The following FLNB variants were observed in gnomAD, a reference collection of about 807,000 sequenced individuals.
The protein encoded by FLNB is filamin-B.
In FLNB, 111 loss-of-function variants were observed where a neutral mutation model predicts 250.6. That is an observed-to-expected ratio of 0.44 (90% CI 0.38 to 0.52). The LOEUF (loss-of-function observed/expected upper bound fraction) is 0.52, where lower values mean the gene tolerates loss of function less well. Ranked by LOEUF, FLNB falls within the 20% of genes least tolerant of loss-of-function variation. FLNB has a pLI of 0.00. For synonymous variants in FLNB, 1,302 were observed against 1,372.1 expected (o/e 0.95, Z 1.13); for missense variants, 2,869 against 3,447.8 (o/e 0.83, Z 4.20).
rs2097291723 is a variant in FLNB, at chr3:58,123,037, A to G, written c.3127-56A>G. The G allele has an allele frequency of 1.4e-5, 21 of 1,479,106 alleles. No individual in the cohort carries two copies. In the Admixed American group the frequency reaches 3.5e-4, roughly 25 times the overall value. The allele number at this position is 1,479,106 out of a possible 1,614,324, so 91.6% of individuals were successfully genotyped here. Reference sequence around the variant, plus strand: ...GATTATATGCATGGGTGTTGAAAGCAGTGCTGGCTGAGCAGCGATCCCAGT... The same window carrying G: ...GATTATATGCATGGGTGTTGAAAGCGGTGCTGGCTGAGCAGCGATCCCAGT... On this transcript the variant is annotated intron_variant, in intron 20 of 45. Coordinates refer to ENST00000295956, the MANE Select transcript of FLNB (RefSeq NM_001457.4).
intron 18 of FLNB, among the ~76,000 whole-genome samples, chr3:58,117,951 C>T (rs76192684): frequency 0.069 from 10,441 of 152,232 alleles, 409 homozygotes; most frequent in Non-Finnish European, 0.079. Flanking sequence ...GGGGGGAACT[C>T]GTCTCTCCCT....
chr3:58,119,186 G>T (rs1039666117), intron 19 of FLNB, among the ~76,000 whole-genome samples, 197 bp downstream of exon 19: 1 of 152,148 alleles, frequency 6.6e-6, no homozygotes, highest in Non-Finnish European at 1.5e-5. Context: ...GCCACACCGA[G>T]ACTCAGCTTT....
intron 1 of FLNB, among the ~76,000 whole-genome samples, chr3:58,014,069 A>G (rs2097102486): frequency 2.0e-5 from 3 of 152,194 alleles, no homozygotes; most frequent in Non-Finnish European, 4.4e-5. Flanking sequence ...CAAGTTAATA[A>G]TTTTTAAAGT....
chr3:58,097,364 A>C (rs774636663), intron 6 of FLNB, among the ~76,000 whole-genome samples: 4 of 152,178 alleles, frequency 2.6e-5, no homozygotes, highest in African/African-American at 9.7e-5. Flanking sequence ...CAGTGACTCA[A>C]GTTTTAGATG....
chr3:58,126,463 C>A lies in FLNB; in HGVS notation c.4062-139C>A, dbSNP rs2097298042. The A allele has an allele frequency of 4.1e-6, 3 of 725,984 alleles. No individual in the cohort carries two copies. In the African/African-American group the frequency reaches 5.2e-5, roughly 13 times the overall value. 45.0% of individuals were successfully genotyped at this position (725,984 alleles called of 1,614,324 possible). A position where few individuals can be genotyped will look rare whatever the true frequency, so the allele number is the denominator to read the frequency against. On this transcript the variant is annotated intron_variant, in intron 23 of 45. Transcript: ENST00000295956. The stretch of plus-strand genomic sequence containing the variant: ...ACTTACATTATACTAATGTGAAATT[C>A]CCTATGTGAGAGGTGTAGTAATTGA...
chr3:58,082,885 A>G lies in FLNB; in HGVS notation c.787+1109A>G, dbSNP rs977851578. Among the ~76,000 whole-genome samples, 12 of 152,038 alleles carry G rather than the reference A, an allele frequency of 7.9e-5. No homozygotes were observed. The East Asian group carries it at 1.9e-3, about 24-fold the overall frequency. ...ACAGTTGTTACCATTCTAGCTTAAT[A>G]GTTTTCTCTTGCCCTTTGTGTGTGT... is the stretch of plus-strand genomic sequence containing the variant. On this transcript the variant is annotated intron_variant, in intron 4 of 45. Transcript: ENST00000295956.
At chr3:58,103,797 C>T (rs1475438069) in intron 9 of FLNB, among the ~76,000 whole-genome samples, 162 bp from the exon 10 acceptor site, 3 of 152,158 alleles carry the variant, frequency 2.0e-5, no homozygotes, top group Admixed American at 6.5e-5. Flanking sequence ...AAATAATCTC[C>T]CAGGCTTTGA....
intron 3 of FLNB, among the ~76,000 whole-genome samples, chr3:58,081,149 ATG>A (rs111641726): frequency 0.015 from 2,230 of 152,058 alleles, 54 homozygotes; most frequent in African/African-American, 0.051. Flanking sequence ...TAATATTTAC[ATG>A]TTATTTCTTT....
chr3:58,110,304 C>T, intron 16 of FLNB, 134 bp downstream of exon 16: 1 of 947,008 alleles, frequency 1.1e-6, no homozygotes, highest in Admixed American at 2.0e-5. Context: ...ACTCTTTCAC[C>T]CAAGCTAGAG....
At chr3:58,066,569 T>C (rs1268674988) in intron 1 of FLNB, among the ~76,000 whole-genome samples, 1 of 152,254 alleles carries the variant, frequency 6.6e-6, no homozygotes, top group Admixed American at 6.5e-5. Flanking sequence ...AATCCTCGTT[T>C]TGACTTTTAA....
In FLNB at chr3:58,038,021, G is replaced by T. The variant is rs28392804; in HGVS notation, c.292+29165G>T. Among the ~76,000 whole-genome samples the T allele has an allele frequency of 3.5e-3, 527 of 150,938 alleles. 3 individuals are homozygous for T. The highest frequency in any genetic ancestry group is 0.011 in the African/African-American group (461 of 40,506). ...AGCCTGAGGCCTGTTCTTATTGTTTGTTTGTTTGTTTGTTTGTTTGTTTTT... is the reference window on the plus strand; with the variant it reads ...AGCCTGAGGCCTGTTCTTATTGTTTTTTTGTTTGTTTGTTTGTTTGTTTTT... On this transcript the variant is annotated intron_variant, in intron 1 of 45. Coordinates refer to ENST00000295956, the MANE Select transcript of FLNB (RefSeq NM_001457.4).
chr3:58,094,984 C>A, intron 5 of FLNB, 30 bp downstream of exon 5: 1 of 1,533,388 alleles, frequency 6.5e-7, no homozygotes, highest in Non-Finnish European at 9.0e-7. Flanking sequence ...CTCTCCTTTC[C>A]AGCACCTCAT....
At chr3:58,131,973 T>G in intron 25 of FLNB, 3 of 1,537,222 alleles carry the variant, frequency 2.0e-6, no homozygotes. Context: ...TGAAAGCCCT[T>G]TCAGAGTTCT....
intron 1 of FLNB, among the ~76,000 whole-genome samples, chr3:58,024,500 T>A (rs1211230102): frequency 6.6e-6 from 1 of 151,882 alleles, no homozygotes; most frequent in East Asian, 1.9e-4. Flanking sequence ...GGGTGGTCTC[T>A]CCAGACTAGA....
intron 11 of FLNB, among the ~76,000 whole-genome samples, chr3:58,105,643 G>A (rs984928022): frequency 6.6e-6 from 1 of 152,194 alleles, no homozygotes; most frequent in Non-Finnish European, 1.5e-5. Flanking sequence ...GAGTCAGCCA[G>A]CTTTTTCTAT....
At chr3:58,067,210 T>A (rs2097186861) in intron 1 of FLNB, among the ~76,000 whole-genome samples, 2 of 151,728 alleles carry the variant, frequency 1.3e-5, no homozygotes, top group South Asian at 4.2e-4. Flanking sequence ...TTTTGCTGAA[T>A]CCAGATGTGG....
chr3:58,152,207 C>CAAA (rs2097346221), intron 38 of FLNB, among the ~76,000 whole-genome samples: 1 of 152,160 alleles, frequency 6.6e-6, no homozygotes, highest in African/African-American at 2.4e-5. Flanking sequence ...ACTCATTACC[C>CAAA]AAATGATCCT....
intron 26 of FLNB, among the ~76,000 whole-genome samples, 197 bp downstream of exon 26, chr3:58,133,128 C>T (rs1377304598): frequency 6.6e-6 from 1 of 151,952 alleles, no homozygotes; most frequent in Non-Finnish European, 1.5e-5. Context: ...TCATTCCATC[C>T]ATCCACCCAT....
chr3:58,077,110 C>G lies in FLNB; in HGVS notation c.357C>G (p.Leu119=). The stretch of plus-strand genomic sequence containing the variant: ...TGGGTCTGGTGTGGACGCTGATCCT[C>G]CACTACTCCATCTCCATGCCCGTGT... ...LILGLVWTLI[L]HYSISMPVWE... is the part of the protein sequence containing the mutation. The change falls in exon 2 of 46, where the codon CTC becomes CTG. Residue 119 remains leucine, a synonymous_variant. Coordinates refer to ENST00000295956, the MANE Select transcript of FLNB (RefSeq NM_001457.4). 4 of 1,614,138 alleles carry G rather than the reference C, an allele frequency of 2.5e-6. No individual in the cohort carries two copies. Among genetic ancestry groups the G allele is most frequent in the Non-Finnish European group, 3.4e-6 (4 of 1,180,014 alleles).
Sources: allele counts gnomAD v4.1 joint callset (sites outside exome capture counted in the v4.1 genomes callset), GRCh38; gene constraint gnomAD v4.1.1; transcripts MANE v1.5; gene names NCBI Gene and HGNC (gene_info 2026-07-23, HGNC 2026-07-21).